The following FMN2 variants were observed in gnomAD, a reference collection of about 807,000 sequenced individuals.
FMN2 encodes formin-2.
A neutral mutation model predicts 142.3 loss-of-function variants in FMN2; 51 were observed. The observed-to-expected ratio is 0.36, with a 90% confidence interval of 0.29 to 0.45. The LOEUF is 0.45. Ranked by LOEUF, FMN2 falls within the 20% of genes least tolerant of loss-of-function variation. The pLI, the probability that FMN2 is intolerant of heterozygous loss-of-function variation, is 1.00. For synonymous variants in FMN2, 882 were observed against 869.8 expected, an observed-to-expected ratio of 1.01 and a Z score of -0.25; for missense variants, 1,936 against 2,122.8, an observed-to-expected ratio of 0.91 and a Z score of 1.73.
At chr1:240,123,823 C>T (rs930618089) in intron 2 of FMN2, among the ~76,000 whole-genome samples, 5 of 152,290 alleles carry the variant, frequency 3.3e-5, no homozygotes, top group African/African-American at 7.2e-5. Context: ...AATAACTCCC[C>T]ATCCTCCTCT....
chr1:240,329,444 G>A lies in FMN2; in HGVS notation c.4413G>A (p.Leu1471=). 1 of 1,613,978 alleles carries A rather than the reference G, an allele frequency of 6.2e-7. No homozygotes were observed. Among genetic ancestry groups the A allele is most frequent in the Non-Finnish European group, 8.5e-7 (1 of 1,179,956 alleles). ...SESICSIRRK[L]ELLQKLCETL... ...GCATTTGCTCAATTCGTCGCAAACT[G>A]GAATTACTACAGAAATTGTGTGAGG... is the stretch of plus-strand genomic sequence containing the variant. Residue 1471 remains leucine, a synonymous_variant, in exon 10 of 18, where the codon CTG becomes CTA. Coordinates refer to ENST00000319653, the MANE Select transcript of FMN2 (RefSeq NM_020066.5).
At chr1:240,427,171 T>TTTTTTATATATATATATATATATATATA (rs1222415126) in intron 15 of FMN2, among the ~76,000 whole-genome samples, 1 of 136,918 alleles carries the variant, frequency 7.3e-6, no homozygotes, top group African/African-American at 3.2e-5. Context: ...ACAACTGATT[T>TTTTTTATATATATATATATATATATATA]TATATATATA....
Position 240,387,235 on chromosome 1 carries a change from C to T in FMN2, c.4859-5276C>T, listed in dbSNP as rs555770687. ...GCTTTATTTTACTATCACTCTACTCCGCTACTACTTCTATTTTCAGTAGAC... is the reference window on the plus strand; with the variant it reads ...GCTTTATTTTACTATCACTCTACTCTGCTACTACTTCTATTTTCAGTAGAC... On this transcript the variant is annotated intron_variant, in intron 14 of 17. Transcript: ENST00000319653. Among the ~76,000 whole-genome samples the T allele has an allele frequency of 1.1e-4, 17 of 152,274 alleles. No homozygotes were observed. The South Asian group carries it at 3.3e-3, about 30-fold the overall frequency.
At chr1:240,242,785 A>G (rs1667955127) in intron 6 of FMN2, among the ~76,000 whole-genome samples, 1 of 152,220 alleles carries the variant, frequency 6.6e-6, no homozygotes, top group African/African-American at 2.4e-5. Context: ...TCCTCTGCCA[A>G]GAGGCACATC....
chr1:240,155,087 C>T (rs894703210), intron 2 of FMN2, among the ~76,000 whole-genome samples: 6 of 151,874 alleles, frequency 4.0e-5, no homozygotes, highest in African/African-American at 1.2e-4. Context: ...GACAGGGTTT[C>T]ATCATGTTGC....
chr1:240,273,607 C>T (rs1383401863), intron 7 of FMN2, among the ~76,000 whole-genome samples: 5 of 152,030 alleles, frequency 3.3e-5, no homozygotes, highest in Non-Finnish European at 7.4e-5. Flanking sequence ...TGTACTGTCT[C>T]GCTAGAGTAC....
At chr1:240,172,099 T>C (rs752579884) in intron 2 of FMN2, among the ~76,000 whole-genome samples, 1 of 152,190 alleles carries the variant, frequency 6.6e-6, no homozygotes, top group Non-Finnish European at 1.5e-5. Flanking sequence ...TACTTGACAT[T>C]CCTGAGAAAA....
Position 240,091,893 on chromosome 1 carries a change from C to A in FMN2, c.-217C>A. The A allele has an allele frequency of 1.3e-6, 1 of 750,434 alleles. No individual in the cohort carries two copies. Among genetic ancestry groups the A allele is most frequent in the South Asian group, 3.0e-5 (1 of 33,270 alleles). The allele number at this position is 750,434 out of a possible 1,614,324, so 46.5% of individuals were successfully genotyped here. A position where few individuals can be genotyped will look rare whatever the true frequency, so the allele number is the denominator to read the frequency against. Reference sequence around the variant, plus strand: ...CGCCGGCCCCTAGCCGCAGCCGCAGCCGCAGCGACGGCAGCCACGGGAGCC... The same window carrying A: ...CGCCGGCCCCTAGCCGCAGCCGCAGACGCAGCGACGGCAGCCACGGGAGCC... On this transcript the variant is annotated 5_prime_UTR_variant, in exon 1 of 18. Coordinates refer to ENST00000319653, the MANE Select transcript of FMN2 (RefSeq NM_020066.5).
intron 2 of FMN2, chr1:240,154,579 A>C (rs1293914941): frequency 6.6e-6 from 1 of 152,170 alleles, no homozygotes; most frequent in Non-Finnish European, 1.5e-5. Flanking sequence ...GGGCATCTTC[A>C]TAGGCACATC....
At chr1:240,273,044 G>A (rs1669076536) in intron 7 of FMN2, among the ~76,000 whole-genome samples, 1 of 151,792 alleles carries the variant, frequency 6.6e-6, no homozygotes, top group African/African-American at 2.4e-5. Flanking sequence ...CCTTGCTTTA[G>A]CCACTAGAGC....
chr1:240,284,391 C>G (rs775506019), intron 7 of FMN2, among the ~76,000 whole-genome samples: 1 of 152,058 alleles, frequency 6.6e-6, no homozygotes, highest in Non-Finnish European at 1.5e-5. Context: ...CTGACATTTT[C>G]CCCCTCATCT....
intron 14 of FMN2, among the ~76,000 whole-genome samples, chr1:240,365,479 T>C (rs1159446232): frequency 6.6e-6 from 1 of 152,200 alleles, no homozygotes; most frequent in African/African-American, 2.4e-5. Flanking sequence ...GTATATGTTT[T>C]AGATACACAC....
At chr1:240,239,582 C>T (rs973476179) in intron 6 of FMN2, among the ~76,000 whole-genome samples, 3 of 152,314 alleles carry the variant, frequency 2.0e-5, no homozygotes, top group Admixed American at 2.0e-4. Flanking sequence ...GGAAGCTGGA[C>T]ATGTCTTCCT....
At chr1:240,251,067 T>A (rs980849799) in intron 6 of FMN2, among the ~76,000 whole-genome samples, 1 of 152,092 alleles carries the variant, frequency 6.6e-6, no homozygotes, top group African/African-American at 2.4e-5. Context: ...TGGGTTTTTT[T>A]AGTCTTTATT....
At chr1:240,381,628 C>T (rs1055750945) in intron 14 of FMN2, among the ~76,000 whole-genome samples, 1 of 152,128 alleles carries the variant, frequency 6.6e-6, no homozygotes, top group Non-Finnish European at 1.5e-5. Flanking sequence ...CGGGACTTCT[C>T]CATGTTTTCC....
At chr1:240,362,901 C>G (rs906597406) in intron 14 of FMN2, among the ~76,000 whole-genome samples, 54 of 152,078 alleles carry the variant, frequency 3.6e-4, no homozygotes, top group Non-Finnish European at 6.9e-4. Context: ...CTTCTACCCG[C>G]CTCCCCGCTT....
intron 7 of FMN2, among the ~76,000 whole-genome samples, chr1:240,281,266 G>A (rs1374073251): frequency 6.6e-6 from 1 of 152,014 alleles, no homozygotes; most frequent in Non-Finnish European, 1.5e-5. Flanking sequence ...GGCATTCTGG[G>A]ATTTTATTGT....
chr1:240,245,494 G>A (rs1558390551), intron 6 of FMN2: 2 of 471,024 alleles, frequency 4.2e-6, no homozygotes, highest in Non-Finnish European at 8.8e-6. Flanking sequence ...TTCCCGTCCT[G>A]ATGACTGGAG....
intron 3 of FMN2, among the ~76,000 whole-genome samples, chr1:240,186,466 A>G (rs1665456779): frequency 6.6e-6 from 1 of 152,198 alleles, no homozygotes; most frequent in Non-Finnish European, 1.5e-5. Context: ...TAAGTAGGCA[A>G]CCAAATGCAT....
Sources: allele counts gnomAD v4.1 joint callset (sites outside exome capture counted in the v4.1 genomes callset), GRCh38; gene constraint gnomAD v4.1.1; transcripts MANE v1.5; gene names NCBI Gene and HGNC (gene_info 2026-07-23, HGNC 2026-07-21).